Variants in PRIMPOL observed in about 807,000 individuals in gnomAD.
The protein encoded by PRIMPOL is DNA-directed primase/polymerase protein.
A neutral mutation model predicts 63.6 loss-of-function variants in PRIMPOL; 54 were observed. The ratio of observed to expected loss-of-function variants is 0.85; its 90% CI spans 0.68 to 1.07. The LOEUF (loss-of-function observed/expected upper bound fraction) is 1.07. Ranked by LOEUF, PRIMPOL falls within the 50% of genes least tolerant of loss-of-function variation. The pLI is 0.00. For synonymous variants in PRIMPOL, 197 were observed against 220.2 expected, an observed-to-expected ratio of 0.89 and a Z score of 0.93; for missense variants, 610 against 648.3, an observed-to-expected ratio of 0.94 and a Z score of 0.64.
intron 8 of PRIMPOL, 103 bp downstream of exon 8, chr4:184,678,497 C>A: frequency 5.0e-6 from 4 of 805,302 alleles, no homozygotes; most frequent in Non-Finnish European, 7.6e-6. Context: ...ATTCATTCTA[C>A]CTTAAGAAAA....
At chr4:184,662,277 A>C (rs1748562744) in intron 5 of PRIMPOL, among the ~76,000 whole-genome samples, 1 of 152,228 alleles carries the variant, frequency 6.6e-6, no homozygotes, top group Non-Finnish European at 1.5e-5. Context: ...GATGAACCTC[A>C]AGAACACTGA....
At chr4:184,693,002 T>C (rs1488037036) in intron 13 of PRIMPOL, among the ~76,000 whole-genome samples, 3 of 152,166 alleles carry the variant, frequency 2.0e-5, no homozygotes, top group Non-Finnish European at 4.4e-5. Context: ...GTAGTTTGTG[T>C]TTTGTTTTTT....
At chr4:184,691,846 G>T (rs1758632723) in intron 13 of PRIMPOL, 134 bp downstream of exon 13, 1 of 648,030 alleles carries the variant, frequency 1.5e-6, no homozygotes, top group Non-Finnish European at 2.7e-6. Context: ...TGTATTATAG[G>T]AATATATTGT....
rs746648287 is a variant in PRIMPOL, at chr4:184,691,521, G to A, written c.1318G>A (p.Glu440Lys). 1 of 1,585,708 alleles carries A rather than the reference G, an allele frequency of 6.3e-7. No individual in the cohort carries two copies. The highest frequency in any genetic ancestry group is 1.1e-5 in the South Asian group (1 of 89,726). ...AAGGATTCTGGTTGATCTGAAAAAT[G>A]AAGTTTGGTATCAAAAATGTCATGA... ...NIMILVDLKN[E>K]VWYQKCHDPV... Residue 440 changes from glutamate (E) to lysine (K), a missense_variant, in exon 12 of 14, where the codon GAA becomes AAA. Around this residue, in one of 3 missense-constraint regions of PRIMPOL, gnomAD observed 444 missense variants for 456.4 expected, o/e 0.97. Transcript: ENST00000314970.
At chr4:184,675,879 CTTG>C (rs753955180) in intron 7 of PRIMPOL, among the ~76,000 whole-genome samples, 2 of 152,044 alleles carry the variant, frequency 1.3e-5, no homozygotes, top group Non-Finnish European at 2.9e-5. Flanking sequence ...AGCTCAAACC[CTTG>C]TTGTTCAAGG....
intron 9 of PRIMPOL, among the ~76,000 whole-genome samples, chr4:184,683,306 C>CG (rs1579590683): frequency 6.6e-6 from 1 of 151,516 alleles, no homozygotes; most frequent in East Asian, 1.9e-4. Context: ...GCCTGTAATC[C>CG]GAGCTACTCA....
chr4:184,685,418 T>C lies in PRIMPOL; in HGVS notation c.1106T>C (p.Ile369Thr), dbSNP rs144463394. 2.9e-5 allele frequency: 46 copies of C among 1,606,696 alleles called. No individual in the cohort carries two copies. The East Asian group carries it at 9.6e-4, about 34-fold the overall frequency. ...FNSIGTSVET[I>T]EGFQCSPYPE... ...ATTCTCTCTGTTGCAGTAGAAACCA[T>C]TGAAGGTTTTCAGTGTTCTCCCTAT... The change falls in exon 10 of 14, where the codon ATT becomes ACT. Residue 369 changes from isoleucine to threonine, a missense_variant. By Grantham distance (89) the Ile-to-Thr change is moderately conservative (BLOSUM62 -1). Transcript: ENST00000314970.
At chr4:184,693,957 C>T (rs1047100504) in intron 13 of PRIMPOL, among the ~76,000 whole-genome samples, 2 of 152,194 alleles carry the variant, frequency 1.3e-5, no homozygotes, top group Non-Finnish European at 2.9e-5. Context: ...GCACGTGCCA[C>T]TGCACTGAAT....
At chr4:184,653,776 T>C (rs1310404383) in intron 2 of PRIMPOL, among the ~76,000 whole-genome samples, 4 of 152,246 alleles carry the variant, frequency 2.6e-5, no homozygotes, top group Non-Finnish European at 4.4e-5. Context: ...ACAACACTCT[T>C]TCACCACCGG....
At chr4:184,688,493 G>A (rs554757750) in intron 11 of PRIMPOL, among the ~76,000 whole-genome samples, 199 of 152,202 alleles carry the variant, frequency 1.3e-3, no homozygotes, top group Non-Finnish European at 2.4e-3. Context: ...TACTAATAAT[G>A]TAGGAATACA....
intron 9 of PRIMPOL, among the ~76,000 whole-genome samples, chr4:184,683,487 A>G (rs1490729856): frequency 1.3e-5 from 2 of 152,214 alleles, no homozygotes; most frequent in Non-Finnish European, 2.9e-5. Flanking sequence ...TTTTTCAAAA[A>G]ACTACAAAAA....
chr4:184,653,421 A>C (rs938112661), intron 2 of PRIMPOL, among the ~76,000 whole-genome samples: 1 of 152,246 alleles, frequency 6.6e-6, no homozygotes. Context: ...TGGTTGAAAG[A>C]TCAGTATCAA....
At chr4:184,666,255 C>T (rs1253225172) in intron 6 of PRIMPOL, among the ~76,000 whole-genome samples, 191 bp downstream of exon 6, 1 of 152,172 alleles carries the variant, frequency 6.6e-6, no homozygotes, top group African/African-American at 2.4e-5. Context: ...GGGCGGCTCA[C>T]TTGAGGCTAG....
In PRIMPOL at chr4:184,678,289, G is replaced by T; in HGVS notation, c.902G>T (p.Arg301Leu). The T allele has an allele frequency of 6.2e-7, 1 of 1,604,340 alleles. No individual in the cohort carries two copies. Among genetic ancestry groups the T allele is most frequent in the Non-Finnish European group, 8.5e-7 (1 of 1,176,524 alleles). ...RLYKSSKIGK[R>L]VALEVTEDNK... ...TATAAATCATCAAAAATTGGAAAGC[G>T]TGTGGCTTTGGAGGTTACTGAAGAT... The change falls in exon 8 of 14, where the codon CGT (arginine) becomes CTT (leucine). Residue 301 changes from arginine (R) to leucine (L), a missense_variant. Arg to Leu is a moderately radical substitution (Grantham distance 102, BLOSUM62 -2). This residue lies in a region of PRIMPOL where 444 missense variants were observed against 456.4 expected (regional missense o/e 0.97). Coordinates refer to ENST00000314970, the MANE Select transcript of PRIMPOL (RefSeq NM_152683.4).
chr4:184,672,596 A>G (rs1216017550), intron 7 of PRIMPOL, 136 bp downstream of exon 7: 1 of 821,816 alleles, frequency 1.2e-6, no homozygotes. Context: ...GCAACCAGTG[A>G]GTTCAGGTGC....
rs755095433 is a variant in PRIMPOL, at chr4:184,685,545, AGTAG to A, written c.1187-30_1187-27del. On this transcript the variant is annotated intron_variant, in intron 10 of 13. Coordinates refer to ENST00000314970, the MANE Select transcript of PRIMPOL (RefSeq NM_152683.4). ...GTTAACTGTTATATGATAGAGTGATAGTAGCTTTAGAAACATTATTTGCATTTTA... is the reference window on the plus strand; with the variant it reads ...GTTAACTGTTATATGATAGAGTGATACTTTAGAAACATTATTTGCATTTTA... 4 of 1,593,330 alleles carry A rather than the reference AGTAG, an allele frequency of 2.5e-6. No individual in the cohort carries two copies. In the African/African-American group the frequency reaches 5.4e-5, roughly 21 times the overall value.
At position 184,678,226 on chromosome 4, in the gene PRIMPOL, A is replaced by G. The variant is rs113673423; in HGVS notation, c.845-6A>G. The G allele has an allele frequency of 7.1e-6, 11 of 1,539,630 alleles. No individual in the cohort carries two copies. The African/African-American group carries it at 8.4e-5, about 12-fold the overall frequency. ...TTTCATATTGTTTTATCAATTTTTG[A>G]TGTAGGAGTTTATACAAGAAATAGA... On this transcript the variant is annotated splice_polypyrimidine_tract_variant and splice_region_variant and intron_variant, in intron 7 of 13. Coordinates refer to ENST00000314970, the MANE Select transcript of PRIMPOL (RefSeq NM_152683.4).
Position 184,666,049 on chromosome 4 carries a change from GATA to G in PRIMPOL, c.545_547del (p.Asn182del), listed in dbSNP as rs1198695675. 6.2e-7 allele frequency: 1 copy of G among 1,605,712 alleles called. No homozygotes were observed. The highest frequency in any genetic ancestry group is 1.7e-5 in the Admixed American group (1 of 58,048). On this transcript the variant is annotated inframe_deletion, in exon 6 of 14. Coordinates refer to ENST00000314970, the MANE Select transcript of PRIMPOL (RefSeq NM_152683.4). ...TCAGCTCCATGATGTGGCATTTAAAGATAATATTCATGTTGGTAAGTACACGGC... is the reference window on the plus strand; with the variant it reads ...TCAGCTCCATGATGTGGCATTTAAAGATATTCATGTTGGTAAGTACACGGC...
chr4:184,669,514 G>A (rs1034346076), intron 6 of PRIMPOL, among the ~76,000 whole-genome samples: 3 of 152,218 alleles, frequency 2.0e-5, no homozygotes, highest in South Asian at 4.1e-4. Flanking sequence ...ACTGGTCATC[G>A]TCTGCTCCAT....
Sources: gnomAD v4.1 joint callset for allele counts (sites outside exome capture counted in the v4.1 genomes callset) on GRCh38, gnomAD v4.1.1 for gene constraint, gnomAD v4.1.1 regional missense constraint, MANE v1.5 for transcripts, NCBI Gene and HGNC (gene_info 2026-07-23, HGNC 2026-07-21) for gene names.